LINGO2: variants seen among roughly 807,000 people sequenced by gnomAD.
LINGO2 encodes leucine rich repeat and Ig domain containing 2.
Under a neutral mutation model 30.6 loss-of-function variants are expected in LINGO2, and 14 were observed. The ratio of observed to expected loss-of-function variants is 0.46; its 90% confidence interval spans 0.30 to 0.72. LINGO2 has a LOEUF of 0.72. Ranked by LOEUF, LINGO2 falls within the 30% of genes least tolerant of loss-of-function variation. LINGO2 has a pLI of 0.07. For missense variants in LINGO2, 729 were observed against 751.7 expected, an observed-to-expected ratio of 0.97 and a Z score of 0.35; for synonymous variants, 317 against 288.5, an observed-to-expected ratio of 1.10 and a Z score of -1.00.
chr9:28,134,066 T>TCTATC (rs1827448211), intron 4 of LINGO2, among the ~76,000 whole-genome samples: 1 of 152,152 alleles, frequency 6.6e-6, no homozygotes. Context: ...AACTCCCAAT[T>TCTATC]CACTAATTTC....
the LINGO2 span, among the ~76,000 whole-genome samples, chr9:29,031,239 T>C: frequency 7.1e-6 from 1 of 140,858 alleles, no homozygotes; most frequent in African/African-American, 2.6e-5. Context: ...TAGCACATAG[T>C]AACAAAGTGG....
intron 3 of LINGO2, among the ~76,000 whole-genome samples, chr9:28,334,509 G>A (rs1403346935): frequency 6.6e-6 from 1 of 152,070 alleles, no homozygotes; most frequent in Non-Finnish European, 1.5e-5. Flanking sequence ...TCTACTAAGT[G>A]GGGTTTTTAT....
chr9:28,683,805 G>C, the LINGO2 span, among the ~76,000 whole-genome samples: 1 of 152,144 alleles, frequency 6.6e-6, no homozygotes, highest in Admixed American at 6.5e-5. Context: ...CCTTAGTTTT[G>C]TAGAGACAGC....
At chr9:28,945,406 T>A in the LINGO2 span, among the ~76,000 whole-genome samples, 422 of 152,276 alleles carry the variant, frequency 2.8e-3, 3 homozygotes, top group African/African-American at 9.6e-3. Context: ...GGAATCAAAT[T>A]CTGTACAGAG....
chr9:28,618,261 C>G (rs1401517777), intron 1 of LINGO2, among the ~76,000 whole-genome samples: 1 of 152,090 alleles, frequency 6.6e-6, no homozygotes, highest in African/African-American at 2.4e-5. Context: ...GCGGCATCAC[C>G]ACATATTCAG....
chr9:28,598,419 A>T (rs1224927915), intron 1 of LINGO2, among the ~76,000 whole-genome samples: 13 of 43,074 alleles, frequency 3.0e-4, no homozygotes, highest in Admixed American at 8.0e-4. Context: ...TCTCCATATC[A>T]AAAAAAAAAA....
chr9:28,632,305 C>T (rs62548191), intron 1 of LINGO2, among the ~76,000 whole-genome samples: 12,070 of 151,872 alleles, frequency 0.079, 674 homozygotes, highest in Admixed American at 0.2. Flanking sequence ...ACTTTATGAC[C>T]ACACACAAAC....
rs568705390 is a variant in LINGO2 at position 28,481,341 on chromosome 9, T to A, written c.-364-5316A>T. On this transcript the variant is annotated intron_variant, in intron 1 of 5. Coordinates refer to ENST00000379992, the Ensembl canonical transcript of LINGO2. ...TACTCTAAGCCTTTAGTTAACCTAA[T>A]AAATAGTAGTAACCAGGCCTTCTAC... is the stretch of plus-strand genomic sequence containing the variant. 2.0e-5 allele frequency among the ~76,000 whole-genome samples: 3 copies of A among 152,270 alleles called. No homozygotes were observed. The East Asian group carries it at 5.8e-4, about 29-fold the overall frequency.
chr9:28,262,700 G>C (rs1348933293), intron 4 of LINGO2, among the ~76,000 whole-genome samples: 1 of 146,054 alleles, frequency 6.8e-6, no homozygotes, highest in Non-Finnish European at 1.5e-5. Context: ...GAGTTTACAT[G>C]TGAATGTTAA....
At chr9:29,026,135 T>C in the LINGO2 span, among the ~76,000 whole-genome samples, 22 of 152,110 alleles carry the variant, frequency 1.4e-4, no homozygotes, top group East Asian at 4.3e-3. Context: ...TGCACTCAAG[T>C]GAACCTCCCA....
At chr9:28,171,699 G>A (rs1828587627) in intron 4 of LINGO2, among the ~76,000 whole-genome samples, 1 of 151,978 alleles carries the variant, frequency 6.6e-6, no homozygotes, top group African/African-American at 2.4e-5. Context: ...TCTGGATCCT[G>A]GCTGAAACTC....
chr9:28,286,880 G>A (rs1823528541), intron 4 of LINGO2, among the ~76,000 whole-genome samples: 1 of 152,106 alleles, frequency 6.6e-6, no homozygotes, highest in Non-Finnish European at 1.5e-5. Context: ...ACACCTGGAC[G>A]ATTAAATAAT....
At chr9:28,848,393 G>A in the LINGO2 span, among the ~76,000 whole-genome samples, 1,804 of 66,596 alleles carry the variant, frequency 0.027, 34 homozygotes, top group African/African-American at 0.051. Flanking sequence ...GTGTGTGTGT[G>A]TGTGTATATA....
the LINGO2 span, among the ~76,000 whole-genome samples, chr9:28,932,418 C>A: frequency 1.3e-5 from 2 of 152,154 alleles, no homozygotes; most frequent in Non-Finnish European, 1.5e-5. Flanking sequence ...CTAGAATAAT[C>A]CAACTATCCA....
intron 4 of LINGO2, among the ~76,000 whole-genome samples, chr9:28,269,913 G>C (rs904672093): frequency 4.6e-5 from 7 of 152,070 alleles, no homozygotes; most frequent in Non-Finnish European, 1.0e-4. Flanking sequence ...GTCCACAGAA[G>C]ACAGGAAGGT....
At chr9:28,444,181 A>G (rs773440624) in intron 2 of LINGO2, among the ~76,000 whole-genome samples, 2 of 152,126 alleles carry the variant, frequency 1.3e-5, no homozygotes, top group Non-Finnish European at 2.9e-5. Flanking sequence ...CTCAGGATCC[A>G]CCAAACAGTG....
At chr9:28,180,011 C>T (rs1174265803) in intron 4 of LINGO2, among the ~76,000 whole-genome samples, 1 of 152,074 alleles carries the variant, frequency 6.6e-6, no homozygotes, top group Non-Finnish European at 1.5e-5. Context: ...CCTCAAAAGT[C>T]TGTAATGACA....
the LINGO2 span, among the ~76,000 whole-genome samples, chr9:28,797,359 T>TATATATAGAGAGAGAGAGAG: frequency 3.2e-4 from 11 of 34,212 alleles, no homozygotes; most frequent in African/African-American, 9.6e-4. Context: ...TATATATATA[T>TATATATAGAGAGAGAGAGAG]AGAGAGAGAG....
chr9:28,640,351 A>C (rs904075956), intron 1 of LINGO2, among the ~76,000 whole-genome samples: 2 of 151,796 alleles, frequency 1.3e-5, no homozygotes, highest in African/African-American at 4.8e-5. Context: ...GTATTTCCTT[A>C]AGTTGAATGT....
Sources: allele counts gnomAD v4.1 joint callset (sites outside exome capture counted in the v4.1 genomes callset), GRCh38; gene constraint gnomAD v4.1.1; transcripts MANE v1.5; gene names NCBI Gene and HGNC (gene_info 2026-07-23, HGNC 2026-07-21).